GORASP2: variants seen among roughly 807,000 people sequenced by gnomAD.
GORASP2 encodes Golgi reassembly-stacking protein 2.
Under a neutral mutation model 45.7 loss-of-function variants are expected in GORASP2, and 22 were observed. The observed-to-expected ratio is 0.48, with a 90% CI of 0.34 to 0.69. GORASP2 has a LOEUF of 0.69. Ranked by LOEUF, GORASP2 falls within the 30% of genes least tolerant of loss-of-function variation. The pLI, the probability that GORASP2 is intolerant of heterozygous loss-of-function variation, is 0.01. For missense variants in GORASP2, 491 were observed against 562.7 expected, an observed-to-expected ratio of 0.87 and a Z score of 1.29; for synonymous variants, 221 against 215.6, an observed-to-expected ratio of 1.02 and a Z score of -0.22.
At chr2:170,932,267 T>A (rs978179519) in intron 1 of GORASP2, among the ~76,000 whole-genome samples, 1 of 152,186 alleles carries the variant, frequency 6.6e-6, no homozygotes, top group Non-Finnish European at 1.5e-5. Context: ...CCTTCTCTCT[T>A]TCTTTTTGTT....
At chr2:170,932,625 CAT>C (rs760282451) in intron 1 of GORASP2, among the ~76,000 whole-genome samples, 11 of 152,162 alleles carry the variant, frequency 7.2e-5, no homozygotes, top group Non-Finnish European at 1.0e-4. Context: ...TGATCATCAA[CAT>C]GTGTCCATTA....
chr2:170,938,051 C>T (rs72876680), intron 1 of GORASP2, among the ~76,000 whole-genome samples: 3,455 of 152,298 alleles, frequency 0.023, 47 homozygotes, highest in Non-Finnish European at 0.036. Context: ...CTAAAAAACA[C>T]ATTAGATACT....
Position 170,965,858 on chromosome 2 carries a change from G to C in GORASP2, c.1087G>C (p.Glu363Gln), listed in dbSNP as rs1359939825. ...CATTGCACCTCTCCCCCTGCCATCC[G>C]AGTTCCTCCCGTCATTCCCCTTGGT... is the stretch of plus-strand genomic sequence containing the variant. ...PGIAPLPLPSEFLPSFPLVPE... is the reference protein window; with the variant it reads ...PGIAPLPLPSQFLPSFPLVPE... Residue 363 changes from glutamate to glutamine, a missense_variant, in exon 10 of 10, where the codon GAG becomes CAG. Transcript: ENST00000234160. The C allele has an allele frequency of 1.2e-6, 2 of 1,613,862 alleles. No homozygotes were observed. Among genetic ancestry groups the C allele is most frequent in the Non-Finnish European group, 1.7e-6 (2 of 1,179,968 alleles).
At chr2:170,929,183 G>A, upstream of GORASP2, 1 of 498,538 alleles carries the variant, frequency 2.0e-6, no homozygotes, top group Admixed American at 4.4e-5. Context: ...AGCGGCCCGG[G>A]CTGCAGCAGA....
Position 170,956,486 on chromosome 2 carries a change from A to G in GORASP2, c.750A>G (p.Thr250=). The G allele has an allele frequency of 6.2e-7, 1 of 1,613,354 alleles. No homozygotes were observed. The highest frequency in any genetic ancestry group is 8.5e-7 in the Non-Finnish European group (1 of 1,179,418). ...CGTCTTTGTCACCACCAGGAACTACAGGAATTGAACAGAGTCTGACTGGAC... is the reference window on the plus strand; with the variant it reads ...CGTCTTTGTCACCACCAGGAACTACGGGAATTGAACAGAGTCTGACTGGAC... ...NPPSLSPPGT[T]GIEQSLTGLS... The change falls in exon 7 of 10, where the codon ACA becomes ACG. Residue 250 remains threonine, a synonymous_variant. Coordinates refer to ENST00000234160, the MANE Select transcript of GORASP2 (RefSeq NM_015530.5).
chr2:170,959,159 A>G (rs1350227797), intron 7 of GORASP2, among the ~76,000 whole-genome samples: 45 of 125,276 alleles, frequency 3.6e-4, no homozygotes, highest in East Asian at 1.0e-3. Flanking sequence ...ACGGGGTTTC[A>G]CCATGTTGGC....
chr2:170,930,690 A>C (rs1379995301), intron 1 of GORASP2, among the ~76,000 whole-genome samples: 2 of 152,172 alleles, frequency 1.3e-5, no homozygotes, highest in East Asian at 3.8e-4. Flanking sequence ...GCCTATAAAT[A>C]AACCGTATTA....
intron 6 of GORASP2, 23 bp from the exon 7 acceptor site, chr2:170,956,413 G>GT (rs574067455): frequency 2.8e-3 from 4,241 of 1,489,596 alleles, no homozygotes; most frequent in Non-Finnish European, 3.0e-3. Flanking sequence ...TAATCTTTGT[G>GT]TTTTTTTTTC....
Position 170,946,768 on chromosome 2 carries a change from CAAAAAA to C in GORASP2, c.64-1567_64-1562del, listed in dbSNP as rs10692734. ...CCAACATGGTGAAACCATGCCTCTA[CAAAAAA>C]AAAAAAAAAAAAAATTAGGCGGTGT... On this transcript the variant is annotated intron_variant, in intron 1 of 9. Transcript: ENST00000234160. 1.3e-4 allele frequency among the ~76,000 whole-genome samples: 14 copies of C among 105,086 alleles called. No individual in the cohort carries two copies. The East Asian group carries it at 2.0e-3, about 15-fold the overall frequency. 68.9% of individuals were successfully genotyped at this position (105,086 alleles called of 152,430 possible).
chr2:170,949,547 C>A lies in GORASP2; in HGVS notation c.153C>A (p.Asp51Glu). The A allele has an allele frequency of 6.2e-7, 1 of 1,612,444 alleles. No homozygotes were observed. The highest frequency in any genetic ancestry group is 8.5e-7 in the Non-Finnish European group (1 of 1,178,542). ...TTTCTATGTGTTCACAGAATAAAGA[C>A]AATGACACTCTTAAGGATCTGCTGA... is the stretch of plus-strand genomic sequence containing the variant. ...VSINGSRLNK[D>E]NDTLKDLLKA... Residue 51 changes from aspartate to glutamate, a missense_variant, in exon 3 of 10, where the codon GAC (aspartate) becomes GAA (glutamate). Coordinates refer to ENST00000234160, the MANE Select transcript of GORASP2 (RefSeq NM_015530.5).
chr2:170,950,151 G>A, intron 3 of GORASP2, 53 bp from the exon 4 acceptor site: 3 of 867,740 alleles, frequency 3.5e-6, no homozygotes, highest in South Asian at 1.7e-5. Context: ...TATAAACCTT[G>A]GAAGATTATT....
chr2:170,963,018 A>G (rs1366741407), intron 9 of GORASP2, 72 bp downstream of exon 9: 5 of 956,536 alleles, frequency 5.2e-6, no homozygotes, highest in Non-Finnish European at 6.8e-6. Context: ...CATCCTCTTC[A>G]GTTTTTTCTG....
At chr2:170,946,354 T>C (rs1704182098) in intron 1 of GORASP2, among the ~76,000 whole-genome samples, 1 of 152,162 alleles carries the variant, frequency 6.6e-6, no homozygotes, top group African/African-American at 2.4e-5. Context: ...AAAAATTCCT[T>C]GGGAAAATAT....
chr2:170,955,887 G>A (rs980165180), intron 6 of GORASP2, among the ~76,000 whole-genome samples: 6 of 152,236 alleles, frequency 3.9e-5, no homozygotes, highest in African/African-American at 1.4e-4. Context: ...CCACCCATCT[G>A]TAGAGTCCAT....
intron 1 of GORASP2, among the ~76,000 whole-genome samples, chr2:170,946,339 A>G (rs1704181978): frequency 6.6e-6 from 1 of 152,206 alleles, no homozygotes; most frequent in Admixed American, 6.5e-5. Context: ...AATATCAAGC[A>G]GAATAAAAAT....
intron 9 of GORASP2, among the ~76,000 whole-genome samples, chr2:170,963,960 TA>T (rs5836315): frequency 4.0e-5 from 6 of 150,458 alleles, no homozygotes; most frequent in East Asian, 2.0e-4. Context: ...TCTTCTTTTG[TA>T]AAAAAAAAAT....
At chr2:170,963,142 G>C (rs959810462) in intron 9 of GORASP2, among the ~76,000 whole-genome samples, 196 bp downstream of exon 9, 3 of 152,178 alleles carry the variant, frequency 2.0e-5, no homozygotes, top group Admixed American at 6.5e-5. Flanking sequence ...GGAGGCCGAA[G>C]TGGGTGGATC....
chr2:170,953,169 A>G (rs1425217237), intron 5 of GORASP2, among the ~76,000 whole-genome samples: 2 of 152,104 alleles, frequency 1.3e-5, no homozygotes, highest in Non-Finnish European at 2.9e-5. Context: ...CAGCCTGGGC[A>G]ACCTGAAGAA....
chr2:170,950,828 A>C (rs1273480063), intron 4 of GORASP2, among the ~76,000 whole-genome samples: 3 of 152,122 alleles, frequency 2.0e-5, no homozygotes, highest in Admixed American at 6.5e-5. Context: ...CAACAAATAC[A>C]AAAATTAGCC....
Sources: allele counts gnomAD v4.1 joint callset (sites outside exome capture counted in the v4.1 genomes callset), GRCh38; gene constraint gnomAD v4.1.1; transcripts MANE v1.5; gene names NCBI Gene and HGNC (gene_info 2026-07-23, HGNC 2026-07-21).